Variants in ZNF536 observed in about 807,000 individuals in gnomAD.
ZNF536 encodes zinc finger protein 536.
A neutral mutation model predicts 84.5 loss-of-function variants in ZNF536; 13 were observed. The observed-to-expected ratio is 0.15, with a 90% CI of 0.10 to 0.24. The LOEUF (loss-of-function observed/expected upper bound fraction) is 0.24, where lower values mean the gene tolerates loss of function less well. ZNF536 is among the 10% of genes least tolerant of loss of function. ZNF536 has a pLI of 1.00. For synonymous variants in ZNF536, 811 were observed against 742.5 expected (o/e 1.09, Z -1.50); for missense variants, 1,536 against 1,747.5 (o/e 0.88, Z 2.16).
At chr19:30,453,656 C>G (rs1047432380) in intron 2 of ZNF536, among the ~76,000 whole-genome samples, 2 of 152,208 alleles carry the variant, frequency 1.3e-5, no homozygotes, top group African/African-American at 2.4e-5. Context: ...ACCATCCTTT[C>G]CCTGAGCCAC....
chr19:30,634,230 C>A (rs1568622386), intron 1 of ZNF536, among the ~76,000 whole-genome samples: 1 of 152,074 alleles, frequency 6.6e-6, no homozygotes, highest in South Asian at 2.1e-4. Context: ...ATTGTTGTGC[C>A]GTAAGTTAGC....
At chr19:30,379,513 G>A (rs890985085) in intron 1 of ZNF536, among the ~76,000 whole-genome samples, 5 of 151,774 alleles carry the variant, frequency 3.3e-5, no homozygotes, top group African/African-American at 7.3e-5. Context: ...GGAGGATGGG[G>A]TGGGGCAGGG....
At chr19:30,543,000 CGAG>C (rs1386364366) in intron 3 of ZNF536, among the ~76,000 whole-genome samples, 1 of 152,084 alleles carries the variant, frequency 6.6e-6, no homozygotes, top group Non-Finnish European at 1.5e-5. Context: ...TTTGTAGAAA[CGAG>C]GTCTCCCTGT....
In ZNF536 at chr19:30,505,041, T is replaced by C. The variant is rs189762731; in HGVS notation, c.2171-29806T>C. ...AACTTATGAGATTGATAACAATGAG[T>C]ATTGTATATAAGGTTGGGAGAAACC... On this transcript the variant is annotated intron_variant, in intron 2 of 4. Transcript: ENST00000355537. 5.1e-4 allele frequency among the ~76,000 whole-genome samples: 78 copies of C among 152,094 alleles called. 2 individuals are homozygous for C. The highest frequency in any genetic ancestry group is 3.5e-3 in the East Asian group (18 of 5,180).
At chr19:30,259,486 C>T (rs773985789) in intron 1 of ZNF536, among the ~76,000 whole-genome samples, 4 of 152,188 alleles carry the variant, frequency 2.6e-5, no homozygotes, top group Non-Finnish European at 4.4e-5. Context: ...TAATCGGAAA[C>T]GCTGTGGGTT....
intron 1 of ZNF536, among the ~76,000 whole-genome samples, chr19:30,372,829 G>GC (rs60120834): frequency 0.68 from 97,749 of 143,386 alleles, 35,568 homozygotes; most frequent in Non-Finnish European, 0.84. Context: ...TCCATCACCC[G>GC]CCCCCCCCAT....
At chr19:30,326,815 T>TTTTTTG in intron 2 of ZNF536, among the ~76,000 whole-genome samples, 3 of 140,344 alleles carry the variant, frequency 2.1e-5, no homozygotes, top group African/African-American at 8.2e-5. Flanking sequence ...TTTTTTTTTT[T>TTTTTTG]TTTGTTTTCT....
chr19:30,372,617 C>G (rs1302344215), intron 1 of ZNF536, 61 bp downstream of exon 1: 1 of 152,044 alleles, frequency 6.6e-6, no homozygotes, highest in Non-Finnish European at 1.5e-5. Context: ...TGCGTGCAGT[C>G]TCCCCAGCAT....
chr19:30,666,870 A>G (rs2147664610), intron 1 of ZNF536, among the ~76,000 whole-genome samples: 1 of 151,740 alleles, frequency 6.6e-6, no homozygotes, highest in African/African-American at 2.4e-5. Flanking sequence ...ATGTATGCAT[A>G]TTTTAAAAGA....
At chr19:30,685,066 C>A (rs1008940312) in intron 1 of ZNF536, among the ~76,000 whole-genome samples, 1 of 152,146 alleles carries the variant, frequency 6.6e-6, no homozygotes, top group African/African-American at 2.4e-5. Flanking sequence ...TCAACAGCTT[C>A]CTCAGATGAT....
chr19:30,540,417 C>CA (rs1203923143), intron 3 of ZNF536, among the ~76,000 whole-genome samples: 7 of 152,222 alleles, frequency 4.6e-5, no homozygotes, highest in African/African-American at 1.7e-4. Flanking sequence ...ACACAGAACT[C>CA]AGCCCGCAGG....
At chr19:30,701,398 AAC>A (rs1487783655) in intron 1 of ZNF536, among the ~76,000 whole-genome samples, 2 of 140,402 alleles carry the variant, frequency 1.4e-5, no homozygotes, top group Admixed American at 7.2e-5. Flanking sequence ...GACACACCCA[AAC>A]ACACACAGAC....
At chr19:30,660,032 C>T (rs115588899) in intron 1 of ZNF536, among the ~76,000 whole-genome samples, 196 of 152,052 alleles carry the variant, frequency 1.3e-3, no homozygotes, top group African/African-American at 4.6e-3. Flanking sequence ...CATAAAGCCC[C>T]ATCTATACCT....
intron 2 of ZNF536, among the ~76,000 whole-genome samples, chr19:30,453,738 G>A (rs904535147): frequency 6.6e-6 from 1 of 152,244 alleles, no homozygotes; most frequent in Non-Finnish European, 1.5e-5. Flanking sequence ...CTACCTGATG[G>A]GTGGGCCTGG....
chr19:30,435,555 G>T (rs1192531961), intron 1 of ZNF536, among the ~76,000 whole-genome samples: 4 of 151,860 alleles, frequency 2.6e-5, no homozygotes, highest in Non-Finnish European at 4.4e-5. Flanking sequence ...TGGTGATAAT[G>T]GTGGTAATGA....
intron 1 of ZNF536, among the ~76,000 whole-genome samples, chr19:30,703,245 C>T (rs2052070024): frequency 1.3e-5 from 2 of 152,262 alleles, no homozygotes; most frequent in African/African-American, 4.8e-5. Context: ...TCTCCTGTGG[C>T]CAGAGTGCAG....
At chr19:30,442,957 C>G (rs2052123636) in intron 1 of ZNF536, among the ~76,000 whole-genome samples, 1 of 152,020 alleles carries the variant, frequency 6.6e-6, no homozygotes, top group African/African-American at 2.4e-5. Context: ...TATTCTAAAG[C>G]CTGTCCTTTA....
chr19:30,658,027 C>A (rs914828828), intron 1 of ZNF536, among the ~76,000 whole-genome samples: 101 of 151,236 alleles, frequency 6.7e-4, no homozygotes, highest in African/African-American at 2.1e-3. Flanking sequence ...TTCCCCCCCC[C>A]CTTTTTTTTC....
intron 3 of ZNF536, among the ~76,000 whole-genome samples, chr19:30,359,017 G>A (rs2048184612): frequency 6.6e-6 from 1 of 152,176 alleles, no homozygotes; most frequent in Non-Finnish European, 1.5e-5. Context: ...GGGAAAGCCG[G>A]CCCATCAAAA....
Sources: gnomAD v4.1 joint callset for allele counts (sites outside exome capture counted in the v4.1 genomes callset) on GRCh38, gnomAD v4.1.1 for gene constraint, MANE v1.5 for transcripts, NCBI Gene and HGNC (gene_info 2026-07-23, HGNC 2026-07-21) for gene names.